Variants in ALDH18A1 observed in about 807,000 individuals in gnomAD.
ALDH18A1 encodes aldehyde dehydrogenase 18 family member A1.
In ALDH18A1, 44 loss-of-function variants were observed where a neutral mutation model predicts 88.8. That is an observed-to-expected ratio of 0.50 (90% CI 0.39 to 0.64). ALDH18A1 has a LOEUF of 0.64. Among genes scored for constraint, ALDH18A1 ranks in the 30% least tolerant of loss-of-function variants. ALDH18A1 has a pLI of 0.00. For missense variants in ALDH18A1, 782 were observed against 1,009.5 expected, an observed-to-expected ratio of 0.77 and a Z score of 3.05; for synonymous variants, 331 against 372.1, an observed-to-expected ratio of 0.89 and a Z score of 1.27.
chr10:95,619,581 A>G (rs922419803), intron 12 of ALDH18A1, among the ~76,000 whole-genome samples: 4 of 152,222 alleles, frequency 2.6e-5, no homozygotes, highest in Non-Finnish European at 5.9e-5. Flanking sequence ...TACTGGTACC[A>G]AAACAGAGAG....
At chr10:95,630,553 A>G (rs1445145614) in intron 7 of ALDH18A1, among the ~76,000 whole-genome samples, 1 of 151,460 alleles carries the variant, frequency 6.6e-6, no homozygotes, top group Non-Finnish European at 1.5e-5. Context: ...TCTACTAAAA[A>G]TACAAAAATT....
At chr10:95,615,298 C>T (rs2097842290) in intron 13 of ALDH18A1, among the ~76,000 whole-genome samples, 1 of 150,126 alleles carries the variant, frequency 6.7e-6, no homozygotes, top group Non-Finnish European at 1.5e-5. Flanking sequence ...AAGATTGTGC[C>T]ACTGAATTCC....
chr10:95,630,269 G>A (rs150977690), intron 7 of ALDH18A1, among the ~76,000 whole-genome samples: 2 of 152,014 alleles, frequency 1.3e-5, no homozygotes, highest in Admixed American at 1.3e-4. Flanking sequence ...GTGCCACCGT[G>A]CCCAGCTTGA....
intron 1 of ALDH18A1, among the ~76,000 whole-genome samples, chr10:95,654,537 G>T (rs1343743446): frequency 6.6e-6 from 1 of 151,882 alleles, no homozygotes; most frequent in Non-Finnish European, 1.5e-5. Context: ...TGGATTGGTG[G>T]ATATATCCCA....
At chr10:95,610,746 G>A (rs866327187) in intron 16 of ALDH18A1, among the ~76,000 whole-genome samples, 3 of 152,192 alleles carry the variant, frequency 2.0e-5, no homozygotes, top group Non-Finnish European at 2.9e-5. Context: ...CACAGTGAGT[G>A]CTTGGTAAAT....
intron 11 of ALDH18A1, among the ~76,000 whole-genome samples, chr10:95,622,394 G>T (rs894967362): frequency 6.6e-6 from 1 of 151,970 alleles, no homozygotes; most frequent in Admixed American, 6.6e-5. Context: ...GAGATAGGGG[G>T]TCTCACTATG....
intron 1 of ALDH18A1, 61 bp from the exon 2 acceptor site, chr10:95,653,466 C>T: frequency 7.3e-7 from 1 of 1,361,814 alleles, no homozygotes; most frequent in African/African-American, 1.4e-5. Flanking sequence ...CATTTTATTT[C>T]CCTCTACTTC....
intron 2 of ALDH18A1, among the ~76,000 whole-genome samples, chr10:95,643,691 GA>G (rs1204136881): frequency 2.6e-5 from 4 of 152,032 alleles, no homozygotes; most frequent in Non-Finnish European, 5.9e-5. Flanking sequence ...TAAAATTAAT[GA>G]AAAATTAATA....
intron 16 of ALDH18A1, among the ~76,000 whole-genome samples, chr10:95,610,619 T>C (rs934374105): frequency 6.6e-6 from 1 of 152,176 alleles, no homozygotes; most frequent in Non-Finnish European, 1.5e-5. Flanking sequence ...TTTGTGACCT[T>C]CTGCAGGTGT....
rs113896285 is a variant in ALDH18A1, at chr10:95,631,763, A to C, written c.808+1196T>G. ...GCCTCAAAAAAAAAAAAAAAAAAAA[A>C]AACAACTGAATAACAGCAATGATGT... On this transcript the variant is annotated intron_variant, in intron 7 of 17. Transcript: ENST00000371224. 2.0e-3 allele frequency among the ~76,000 whole-genome samples: 305 copies of C among 149,596 alleles called. 5 individuals are homozygous for C. In the East Asian group the frequency reaches 0.043, roughly 21 times the overall value.
At position 95,606,502 on chromosome 10, in the gene ALDH18A1, C is replaced by A. The variant is rs1589466972; in HGVS notation, c.*260G>T. Reference sequence around the variant, plus strand: ...TTATGGGGAAAATGCACCTTTCAATCCTAGAAGATAATTGGACTTGGCAAA... The same window carrying A: ...TTATGGGGAAAATGCACCTTTCAATACTAGAAGATAATTGGACTTGGCAAA... On this transcript the variant is annotated 3_prime_UTR_variant, in exon 18 of 18. Transcript: ENST00000371224. The A allele has an allele frequency of 7.5e-7, 1 of 1,331,816 alleles. No homozygotes were observed. The allele number at this position is 1,331,816 out of a possible 1,614,324, so 82.5% of individuals were successfully genotyped here.
chr10:95,632,513 A>G (rs774018653), intron 7 of ALDH18A1, among the ~76,000 whole-genome samples: 4 of 152,136 alleles, frequency 2.6e-5, no homozygotes, highest in Non-Finnish European at 4.4e-5. Context: ...GCAGGCGCAT[A>G]CCACCATGTC....
chr10:95,651,016 C>T (rs982454781), intron 2 of ALDH18A1, among the ~76,000 whole-genome samples: 1 of 152,034 alleles, frequency 6.6e-6, no homozygotes, highest in Non-Finnish European at 1.5e-5. Flanking sequence ...CACCTGTAAT[C>T]CCAGCTACTC....
At position 95,635,709 on chromosome 10, in the gene ALDH18A1, G is replaced by C. The variant is rs962807813; in HGVS notation, c.558+1384C>G. ...TGAAGCTTGTTGGGAACTGGAGGGG[G>C]CAGGGCTCTTCTTTCACTCAATGTA... On this transcript the variant is annotated intron_variant, in intron 5 of 17. Transcript: ENST00000371224. Among the ~76,000 whole-genome samples the C allele has an allele frequency of 8.0e-4, 121 of 152,146 alleles. 1 individual carries two copies. The highest frequency in any genetic ancestry group is 2.7e-3 in the African/African-American group (112 of 41,424).
rs755594128 is a variant in ALDH18A1, at chr10:95,613,996, C to T, written c.1771G>A (p.Glu591Lys). ...CTGGTGACCTTATCAACACTGGCCT[C>T]GGAATCCACATACATGTGACAGATC... Reference protein sequence around the residue: ...EGICHMYVDSEASVDKVTRLV... With the variant: ...EGICHMYVDSKASVDKVTRLV... The change falls in exon 14 of 18, where the codon GAG (glutamate) becomes AAG (lysine). Residue 591 changes from glutamate to lysine, a missense_variant. By Grantham distance (56) the Glu-to-Lys change is moderately conservative (BLOSUM62 1). Around this residue, in one of 3 missense-constraint regions of ALDH18A1, gnomAD observed 556 missense variants for 654.5 expected, o/e 0.85. Coordinates refer to ENST00000371224, the MANE Select transcript of ALDH18A1 (RefSeq NM_002860.4). 7.4e-6 allele frequency: 12 copies of T among 1,614,096 alleles called. No homozygotes were observed. Among genetic ancestry groups the T allele is most frequent in the African/African-American group, 2.7e-5 (2 of 74,922 alleles).
At chr10:95,625,767 G>T (rs922951717) in intron 10 of ALDH18A1, among the ~76,000 whole-genome samples, 7 of 151,608 alleles carry the variant, frequency 4.6e-5, no homozygotes, top group South Asian at 2.1e-4. Context: ...AAAAAAAAAG[G>T]GGGGGAAGGG....
At position 95,606,797 on chromosome 10, in the gene ALDH18A1, C is replaced by T. The variant is rs1364987786; in HGVS notation, c.2353G>A (p.Glu785Lys). The T allele has an allele frequency of 1.2e-6, 2 of 1,614,166 alleles. No homozygotes were observed. The highest frequency in any genetic ancestry group is 1.7e-6 in the Non-Finnish European group (2 of 1,180,022). The change falls in exon 18 of 18, where the codon GAG (glutamate) becomes AAG (lysine). Residue 785 changes from glutamate to lysine, a missense_variant. By Grantham distance (56) the Glu-to-Lys change is moderately conservative. This residue lies in a region of ALDH18A1 where 556 missense variants were observed against 654.5 expected (regional missense o/e 0.85). Coordinates refer to ENST00000371224, the MANE Select transcript of ALDH18A1 (RefSeq NM_002860.4). ...TTTCTCTGAGGAATAGGGAGGTTCT[C>T]ATGAAGATATTTTAAACTTCCATGC... Reference protein sequence around the residue: ...SEHGSLKYLHENLPIPQRNTN With the variant: ...SEHGSLKYLHKNLPIPQRNTN
At chr10:95,646,898 T>C (rs2097902219) in intron 2 of ALDH18A1, among the ~76,000 whole-genome samples, 1 of 152,176 alleles carries the variant, frequency 6.6e-6, no homozygotes, top group Non-Finnish European at 1.5e-5. Flanking sequence ...GAGAACCCTT[T>C]ACTTCTTCAG....
chr10:95,609,501 T>C (rs1475216131), intron 17 of ALDH18A1, among the ~76,000 whole-genome samples: 1 of 152,198 alleles, frequency 6.6e-6, no homozygotes, highest in African/African-American at 2.4e-5. Flanking sequence ...TGGCGCAGCC[T>C]GTGTAAAAAG....
Sources: allele counts gnomAD v4.1 joint callset (sites outside exome capture counted in the v4.1 genomes callset), GRCh38; gene constraint gnomAD v4.1.1; regional missense constraint gnomAD v4.1.1; transcripts MANE v1.5; gene names NCBI Gene and HGNC (gene_info 2026-07-23, HGNC 2026-07-21).